The following LDLRAD3 variants were observed in gnomAD, a reference collection of about 807,000 sequenced individuals.
LDLRAD3 encodes low-density lipoprotein receptor class A domain-containing protein 3.
LDLRAD3 carries 20 observed loss-of-function variants against 29.4 expected under a neutral mutation model. The observed-to-expected ratio is 0.68, with a 90% confidence interval of 0.48 to 0.99. The LOEUF is 0.99. LDLRAD3 is among the 50% of genes least tolerant of loss of function. LDLRAD3 has a pLI of 0.00. For synonymous variants in LDLRAD3, 157 were observed against 192.7 expected (o/e 0.81, Z 1.53); for missense variants, 420 against 454.3 (o/e 0.92, Z 0.69).
chr11:36,127,690 C>G (rs80331038), intron 4 of LDLRAD3, among the ~76,000 whole-genome samples: 3,381 of 152,168 alleles, frequency 0.022, 119 homozygotes, highest in African/African-American at 0.077. Context: ...AGCCACCATG[C>G]TAAGTTTTTT....
intron 4 of LDLRAD3, among the ~76,000 whole-genome samples, chr11:36,131,128 C>T (rs772065995): frequency 3.9e-5 from 6 of 152,338 alleles, no homozygotes; most frequent in African/African-American, 7.2e-5. Context: ...CACTCTAGGC[C>T]GGGCACAGTG....
At chr11:35,956,727 AT>A (rs1851205098) in intron 1 of LDLRAD3, among the ~76,000 whole-genome samples, 1 of 152,068 alleles carries the variant, frequency 6.6e-6, no homozygotes, top group Non-Finnish European at 1.5e-5. Flanking sequence ...ACTTAACTTT[AT>A]TTTTATTTAT....
rs1328143466 is a variant in LDLRAD3 at position 35,944,902 on chromosome 11, C to T, written c.46+758C>T. ...CCGCGTGTGCATCCCGGGGCCTGGA[C>T]CGCAGCAAGCCTCTTTCCCTTCCAG... On this transcript the variant is annotated intron_variant, in intron 1 of 5. Transcript: ENST00000315571. This position sits in a 1 kb window ranked among gnomAD's most constrained non-coding sequence, Gnocchi z 4.9. 2.0e-5 allele frequency among the ~76,000 whole-genome samples: 3 copies of T among 152,160 alleles called. No homozygotes were observed. The highest frequency in any genetic ancestry group is 4.4e-5 in the Non-Finnish European group (3 of 68,014).
intron 2 of LDLRAD3, among the ~76,000 whole-genome samples, chr11:36,040,559 A>G (rs1032221224): frequency 6.6e-6 from 1 of 152,144 alleles, no homozygotes; most frequent in East Asian, 1.9e-4. Context: ...ACTTGCTATA[A>G]TATGGTTTAT....
intron 1 of LDLRAD3, among the ~76,000 whole-genome samples, chr11:35,981,970 T>A (rs1419312722): frequency 2.0e-5 from 3 of 152,202 alleles, no homozygotes; most frequent in African/African-American, 7.2e-5. Flanking sequence ...GGGCCTTCCA[T>A]CACCAGTGTT....
intron 4 of LDLRAD3, among the ~76,000 whole-genome samples, chr11:36,191,442 C>A (rs1349097972): frequency 6.6e-6 from 1 of 151,310 alleles, no homozygotes; most frequent in African/African-American, 2.4e-5. Flanking sequence ...ACTCCAGAGG[C>A]TGAGATTGGA....
intron 4 of LDLRAD3, among the ~76,000 whole-genome samples, chr11:36,167,880 T>G (rs1455702164): frequency 1.3e-5 from 2 of 152,212 alleles, no homozygotes; most frequent in East Asian, 3.8e-4. Flanking sequence ...TCTGGTAATT[T>G]GCCACCTTGA....
intron 1 of LDLRAD3, among the ~76,000 whole-genome samples, chr11:36,017,619 C>A (rs543032015): frequency 6.6e-6 from 1 of 151,828 alleles, no homozygotes; most frequent in South Asian, 2.1e-4. Context: ...ACCTCCACCT[C>A]CCAGATTCAA....
chr11:36,036,148 T>C lies in LDLRAD3; in HGVS notation c.92T>C (p.Ile31Thr). 6.2e-7 allele frequency: 1 copy of C among 1,614,140 alleles called. No individual in the cohort carries two copies. Among genetic ancestry groups the C allele is most frequent in the Non-Finnish European group, 8.5e-7 (1 of 1,180,024 alleles). The change falls in exon 2 of 6, where the codon ATA (isoleucine) becomes ACA (threonine). Residue 31 changes from isoleucine to threonine, a missense_variant. Physicochemically the swap from Ile to Thr is moderately conservative, Grantham distance 89. Around this residue, in one of 3 missense-constraint regions of LDLRAD3, gnomAD observed 224 missense variants for 222.2 expected, o/e 1.01. Transcript: ENST00000315571. ...AACAACTTCACCAATGAGTGCAACA[T>C]ACCAGGCAACTTCATGTGCAGCAAT... ...PGNNFTNECNIPGNFMCSNGR... is the reference protein window; with the variant it reads ...PGNNFTNECNTPGNFMCSNGR...
At chr11:35,987,200 G>T in intron 1 of LDLRAD3, among the ~76,000 whole-genome samples, 1 of 152,170 alleles carries the variant, frequency 6.6e-6, no homozygotes, top group East Asian at 1.9e-4. Context: ...TGTATATCTT[G>T]CTGGCAAGAA....
At chr11:36,144,852 T>G (rs1167292075) in intron 4 of LDLRAD3, among the ~76,000 whole-genome samples, 6 of 74,530 alleles carry the variant, frequency 8.1e-5, no homozygotes, top group South Asian at 5.6e-4. Flanking sequence ...GGGAGGGAGG[T>G]GGGGGGGTCA....
In LDLRAD3 at chr11:35,997,136, T is replaced by C. The variant is rs563512064; in HGVS notation, c.47-38967T>C. On this transcript the variant is annotated intron_variant, in intron 1 of 5. Coordinates refer to ENST00000315571, the MANE Select transcript of LDLRAD3 (RefSeq NM_174902.4). Reference sequence around the variant, plus strand: ...TTTTATGATTAGGTGGAAACTTTTGTTTCTTTTTTTTAGTTGTCAAATGAT... The same window carrying C: ...TTTTATGATTAGGTGGAAACTTTTGCTTCTTTTTTTTAGTTGTCAAATGAT... The C allele has an allele frequency of 1.1e-5, 3 of 270,468 alleles. No individual in the cohort carries two copies. In the Admixed American group the frequency reaches 1.6e-4, roughly 15 times the overall value. 16.8% of individuals were successfully genotyped at this position (270,468 alleles called of 1,614,324 possible). A position where few individuals can be genotyped will look rare whatever the true frequency, so the allele number is the denominator to read the frequency against.
Position 35,944,164 on chromosome 11 carries a change from G to C in LDLRAD3, c.46+20G>C. 9.8e-7 allele frequency: 1 copy of C among 1,019,242 alleles called. No homozygotes were observed. Among genetic ancestry groups the C allele is most frequent in the East Asian group, 9.3e-5 (1 of 10,798 alleles). The allele number at this position is 1,019,242 out of a possible 1,614,324, so 63.1% of individuals were successfully genotyped here. A position where few individuals can be genotyped will look rare whatever the true frequency, so the allele number is the denominator to read the frequency against. ...CCGCGGGTGAGTCGGGGGGCGGCCG[G>C]CGAACTTCCCGCGGGGCGCGGGGCG... is the stretch of plus-strand genomic sequence containing the variant. On this transcript the variant is annotated intron_variant, in intron 1 of 5. Coordinates refer to ENST00000315571, the MANE Select transcript of LDLRAD3 (RefSeq NM_174902.4). The surrounding 1 kb of genome is among the most constrained non-coding windows in gnomAD (Gnocchi z 4.9).
chr11:35,944,206 GCGGCCGGGTGCGATCGCGTCCTCTCCC>G lies in LDLRAD3; in HGVS notation c.46+63_46+89del. ...CGCGGGGCGCGGGGCGCGGGGCGCA[GCGGCCGGGTGCGATCGCGTCCTCTCCC>G]GGGCGCGGGCCGCTCTCCGGGCGTG... On this transcript the variant is annotated intron_variant, in intron 1 of 5. Transcript: ENST00000315571. This position sits in a 1 kb window ranked among gnomAD's most constrained non-coding sequence, Gnocchi z 4.9. 1 of 929,372 alleles carries G rather than the reference GCGGCCGGGTGCGATCGCGTCCTCTCCC, an allele frequency of 1.1e-6. No homozygotes were observed. Among genetic ancestry groups the G allele is most frequent in the Non-Finnish European group, 1.3e-6 (1 of 778,132 alleles). The allele number at this position is 929,372 out of a possible 1,614,324, so 57.6% of individuals were successfully genotyped here. A position where few individuals can be genotyped will look rare whatever the true frequency, so the allele number is the denominator to read the frequency against.
intron 1 of LDLRAD3, among the ~76,000 whole-genome samples, chr11:35,984,299 ATTAC>A (rs1292470567): frequency 6.6e-6 from 1 of 152,014 alleles, no homozygotes; most frequent in Non-Finnish European, 1.5e-5. Flanking sequence ...TTTTTTCATA[ATTAC>A]TTCTGTTAAT....
chr11:36,105,205 TTGTGTGTGTGTG>T (rs10565208), intron 4 of LDLRAD3, among the ~76,000 whole-genome samples: 3 of 138,562 alleles, frequency 2.2e-5, no homozygotes, highest in African/African-American at 5.7e-5. Flanking sequence ...TCTGCAGAAT[TTGTGTGTGTGTG>T]TGTGTGTGTG....
chr11:36,112,719 A>G (rs1853622274), intron 4 of LDLRAD3, among the ~76,000 whole-genome samples: 1 of 152,242 alleles, frequency 6.6e-6, no homozygotes, highest in African/African-American at 2.4e-5. Flanking sequence ...GTCACATAGA[A>G]GCTACAGCTG....
chr11:36,124,065 T>A (rs1211499802), intron 4 of LDLRAD3, among the ~76,000 whole-genome samples: 1 of 152,234 alleles, frequency 6.6e-6, no homozygotes, highest in Non-Finnish European at 1.5e-5. Context: ...ATATAAAGGT[T>A]ATGCATTTGC....
intron 3 of LDLRAD3, among the ~76,000 whole-genome samples, chr11:36,087,192 T>C (rs1213292431): frequency 6.6e-6 from 1 of 152,030 alleles, no homozygotes; most frequent in Non-Finnish European, 1.5e-5. Flanking sequence ...AAAAGACAAA[T>C]TAACTAAATG....
Sources: gnomAD v4.1 joint callset for allele counts (sites outside exome capture counted in the v4.1 genomes callset) on GRCh38, gnomAD v4.1.1 for gene constraint, gnomAD v4.1.1 regional missense constraint, Gnocchi (gnomAD v3.1) non-coding constraint, MANE v1.5 for transcripts, NCBI Gene and HGNC (gene_info 2026-07-23, HGNC 2026-07-21) for gene names.